The following KLRG1 variants were observed in gnomAD, a reference collection of about 807,000 sequenced individuals.
The protein encoded by KLRG1 is killer cell lectin-like receptor subfamily G member 1.
KLRG1 carries 16 observed loss-of-function variants against 21.8 expected under a neutral mutation model. That is an observed-to-expected ratio of 0.73 (90% confidence interval 0.50 to 1.11). The LOEUF (loss-of-function observed/expected upper bound fraction) is 1.11, where lower values mean the gene tolerates loss of function less well. Ranked by LOEUF, KLRG1 falls within the 50% of genes most tolerant of loss-of-function variation. The pLI, the probability that KLRG1 is intolerant of heterozygous loss-of-function variation, is 0.00. For synonymous variants in KLRG1, 69 were observed against 75.9 expected (o/e 0.91, Z 0.47); for missense variants, 173 against 218.3 (o/e 0.79, Z 1.31).
the KLRG1 span, chr12:9,077,614 C>T: frequency 1.3e-6 from 2 of 1,560,002 alleles, no homozygotes; most frequent in Non-Finnish European, 1.7e-6. Context: ...GAGGCTTTCC[C>T]TTAGAATTTT....
the KLRG1 span, among the ~76,000 whole-genome samples, chr12:9,209,458 G>A: frequency 6.6e-6 from 1 of 151,896 alleles, no homozygotes; most frequent in Non-Finnish European, 1.5e-5. Flanking sequence ...CAAATATAGA[G>A]AGCAAGATAA....
At chr12:9,200,406 A>T in the KLRG1 span, 3 of 1,611,454 alleles carry the variant, frequency 1.9e-6, no homozygotes, top group African/African-American at 2.7e-5. Context: ...CATGATACTG[A>T]TTATCTTTGG....
chr12:9,068,746 C>T, the KLRG1 span: 8 of 1,599,148 alleles, frequency 5.0e-6, no homozygotes, highest in African/African-American at 1.3e-5. Context: ...TCACCCGTCT[C>T]GTAGTAATCA....
the KLRG1 span, among the ~76,000 whole-genome samples, chr12:9,025,618 C>T: frequency 6.6e-6 from 1 of 152,258 alleles, no homozygotes; most frequent in African/African-American, 2.4e-5. Context: ...GCCTGGATGA[C>T]AGAGTGAGAC....
the KLRG1 span, among the ~76,000 whole-genome samples, chr12:9,126,085 A>C: frequency 6.6e-6 from 1 of 152,050 alleles, no homozygotes; most frequent in African/African-American, 2.4e-5. Context: ...TATAATTACA[A>C]TAATGCAACT....
chr12:8,956,278 G>A (rs11048208), intron 1 of KLRG1, among the ~76,000 whole-genome samples: 47,866 of 152,042 alleles, frequency 0.31, 8,035 homozygotes, highest in Admixed American at 0.39. Flanking sequence ...CCCAGGAGCC[G>A]TGGGCTGGTG....
the KLRG1 span, chr12:9,091,437 G>A: frequency 6.2e-7 from 1 of 1,613,880 alleles, no homozygotes. Flanking sequence ...GAGCTGGAGA[G>A]GAGTGTAAGT....
At chr12:9,051,073 G>A in the KLRG1 span, among the ~76,000 whole-genome samples, 5 of 152,318 alleles carry the variant, frequency 3.3e-5, no homozygotes, top group Admixed American at 2.6e-4. Context: ...GGGACTTGTA[G>A]TGCCTCTTCC....
intron 1 of KLRG1, among the ~76,000 whole-genome samples, chr12:8,974,649 G>T (rs1431884284): frequency 6.6e-6 from 1 of 152,050 alleles, no homozygotes; most frequent in Non-Finnish European, 1.5e-5. Context: ...TTTTCATTAT[G>T]TTAATGTGGT....
the KLRG1 span, chr12:9,091,406 C>T: frequency 1.9e-6 from 3 of 1,614,166 alleles, no homozygotes; most frequent in Middle Eastern, 1.7e-4. Flanking sequence ...GACTGTTACT[C>T]CTACCTCAGC....
At chr12:9,187,160 A>C in the KLRG1 span, among the ~76,000 whole-genome samples, 2 of 152,042 alleles carry the variant, frequency 1.3e-5, no homozygotes, top group East Asian at 3.9e-4. Context: ...CAAAATCTAC[A>C]TGCACCCAAC....
the KLRG1 span, chr12:9,154,555 C>T: frequency 6.8e-7 from 1 of 1,476,742 alleles, no homozygotes; most frequent in Admixed American, 1.8e-5. Flanking sequence ...AACTGTTCTA[C>T]TTTTAAGCCT....
At chr12:9,018,527 A>T in the KLRG1 span, among the ~76,000 whole-genome samples, 6 of 152,122 alleles carry the variant, frequency 3.9e-5, no homozygotes, top group Non-Finnish European at 7.4e-5. Flanking sequence ...ACACTGGGGA[A>T]AGGACAGTTT....
At chr12:8,962,596 G>C (rs975308815) in intron 1 of KLRG1, among the ~76,000 whole-genome samples, 11 of 151,680 alleles carry the variant, frequency 7.3e-5, no homozygotes, top group Admixed American at 7.2e-4. Flanking sequence ...AACACCTATA[G>C]TCCCAGCTAC....
chr12:9,176,740 C>T, the KLRG1 span, among the ~76,000 whole-genome samples: 2 of 152,172 alleles, frequency 1.3e-5, no homozygotes, highest in African/African-American at 4.8e-5. Flanking sequence ...ACGAGTAACT[C>T]CTGAGTGCCT....
intron 1 of KLRG1, among the ~76,000 whole-genome samples, chr12:8,959,423 A>G (rs116285847): frequency 0.018 from 2,681 of 152,230 alleles, 74 homozygotes; most frequent in African/African-American, 0.06. Context: ...CTGTGTGAAA[A>G]TGGTTTTAGA....
the KLRG1 span, among the ~76,000 whole-genome samples, chr12:9,103,454 A>C: frequency 6.6e-6 from 1 of 152,172 alleles, no homozygotes; most frequent in African/African-American, 2.4e-5. Context: ...TACCATCTTC[A>C]TTATTCTTTA....
At chr12:9,112,779 A>T in the KLRG1 span, 1 of 488,394 alleles carries the variant, frequency 2.0e-6, no homozygotes, top group Non-Finnish European at 3.7e-6. Flanking sequence ...ACCTTCATAC[A>T]GCTCACAGAA....
chr12:9,055,242 G>A, the KLRG1 span, among the ~76,000 whole-genome samples: 7 of 152,090 alleles, frequency 4.6e-5, no homozygotes, highest in African/African-American at 7.2e-5. Context: ...TCTGCAATAC[G>A]GAGCTTCTAT....
Sources: gnomAD v4.1 joint callset for allele counts (sites outside exome capture counted in the v4.1 genomes callset) on GRCh38, gnomAD v4.1.1 for gene constraint, MANE v1.5 for transcripts, NCBI Gene and HGNC (gene_info 2026-07-23, HGNC 2026-07-21) for gene names.